The following NKAIN3 variants were observed in gnomAD, a reference collection of about 807,000 sequenced individuals.
NKAIN3 encodes sodium/potassium transporting ATPase interacting 3.
A neutral mutation model predicts 30.2 loss-of-function variants in NKAIN3; 25 were observed. That is an observed-to-expected ratio of 0.83 (90% CI 0.60 to 1.16). The LOEUF is 1.16. Ranked by LOEUF, NKAIN3 falls within the 50% of genes most tolerant of loss-of-function variation. The probability of loss-of-function intolerance (pLI) is 0.00; values close to 1 mark genes in which losing one functional copy is unlikely to be tolerated. For synonymous variants in NKAIN3, 91 were observed against 89.6 expected, an observed-to-expected ratio of 1.02 and a Z score of -0.09; for missense variants, 225 against 254.1, an observed-to-expected ratio of 0.89 and a Z score of 0.78.
chr8:62,756,036 A>G (rs945613783), intron 4 of NKAIN3, among the ~76,000 whole-genome samples: 1 of 152,194 alleles, frequency 6.6e-6, no homozygotes, highest in African/African-American at 2.4e-5. Context: ...ATTTGTGTCT[A>G]TGCAGTATAC....
intron 4 of NKAIN3, among the ~76,000 whole-genome samples, chr8:62,888,212 AGTTT>A: frequency 6.6e-6 from 1 of 152,184 alleles, no homozygotes; most frequent in Non-Finnish European, 1.5e-5. Context: ...AAATCCTAAT[AGTTT>A]AGGTCATGTT....
intron 3 of NKAIN3, among the ~76,000 whole-genome samples, chr8:62,733,856 C>G (rs1815561547): frequency 6.6e-6 from 1 of 152,186 alleles, no homozygotes; most frequent in Non-Finnish European, 1.5e-5. Context: ...TTAAATCTGT[C>G]TAATCTGCTT....
At chr8:62,751,245 T>A (rs1816273661) in intron 4 of NKAIN3, among the ~76,000 whole-genome samples, 1 of 152,136 alleles carries the variant, frequency 6.6e-6, no homozygotes, top group African/African-American at 2.4e-5. Flanking sequence ...CTGGGCTCCT[T>A]ATCCACCTAG....
intron 4 of NKAIN3, among the ~76,000 whole-genome samples, chr8:62,889,111 G>A (rs889660549): frequency 1.3e-5 from 2 of 152,188 alleles, no homozygotes; most frequent in Non-Finnish European, 2.9e-5. Flanking sequence ...ACTCACGCCT[G>A]TAAACCCAGC....
At chr8:62,793,473 G>C (rs1817761468) in intron 4 of NKAIN3, among the ~76,000 whole-genome samples, 1 of 152,112 alleles carries the variant, frequency 6.6e-6, no homozygotes, top group Admixed American at 6.6e-5. Flanking sequence ...ATCCTGAAAG[G>C]ATGAATCTCA....
intron 1 of NKAIN3, among the ~76,000 whole-genome samples, chr8:62,392,849 T>C (rs1817618079): frequency 6.6e-6 from 1 of 152,016 alleles, no homozygotes; most frequent in Admixed American, 6.5e-5. Context: ...TCTTCAAAAA[T>C]ACTACAAATA....
chr8:62,368,460 T>C (rs1218865806), intron 1 of NKAIN3, among the ~76,000 whole-genome samples: 1 of 152,196 alleles, frequency 6.6e-6, no homozygotes, highest in Non-Finnish European at 1.5e-5. Context: ...ATCATCTTTT[T>C]AATAAATGGT....
chr8:62,869,316 G>C (rs1820518569), intron 4 of NKAIN3, among the ~76,000 whole-genome samples: 1 of 151,750 alleles, frequency 6.6e-6, no homozygotes, highest in Non-Finnish European at 1.5e-5. Flanking sequence ...TCCCCTTGCC[G>C]CCACCCGGCG....
intron 1 of NKAIN3, among the ~76,000 whole-genome samples, chr8:62,514,321 C>G (rs1468945686): frequency 6.6e-6 from 1 of 151,772 alleles, no homozygotes; most frequent in Non-Finnish European, 1.5e-5. Context: ...TGAAATATTT[C>G]AACCTATGAG....
intron 1 of NKAIN3, among the ~76,000 whole-genome samples, chr8:62,414,409 GA>G (rs937672054): frequency 2.6e-5 from 4 of 151,936 alleles, no homozygotes; most frequent in African/African-American, 7.2e-5. Context: ...GGGAAGTGTG[GA>G]AAAAAATCAA....
chr8:62,644,029 C>T (rs1812387215), intron 3 of NKAIN3, among the ~76,000 whole-genome samples: 1 of 152,044 alleles, frequency 6.6e-6, no homozygotes, highest in African/African-American at 2.4e-5. Context: ...TAAGAAGACC[C>T]AGTAATGGAT....
At chr8:62,354,887 C>A (rs560830607) in intron 1 of NKAIN3, among the ~76,000 whole-genome samples, 2 of 152,296 alleles carry the variant, frequency 1.3e-5, no homozygotes, top group African/African-American at 2.4e-5. Context: ...GAGAGCCCTG[C>A]ACTTAGGACC....
In NKAIN3 at chr8:62,541,409, C is replaced by T. The variant is rs541256612; in HGVS notation, c.55-38130C>T. Among the ~76,000 whole-genome samples the T allele has an allele frequency of 5.3e-5, 8 of 152,274 alleles. No homozygotes were observed. In the East Asian group the frequency reaches 1.4e-3, roughly 26 times the overall value. ...TTTCAAACTACCTGTAGAACATCTCCTTCCTGGCCCAAGTTAATAGAATCC... is the reference window on the plus strand; with the variant it reads ...TTTCAAACTACCTGTAGAACATCTCTTTCCTGGCCCAAGTTAATAGAATCC... On this transcript the variant is annotated intron_variant, in intron 1 of 6. Coordinates refer to ENST00000623646, the MANE Select transcript of NKAIN3 (RefSeq NM_001304533.3).
At chr8:62,754,617 A>G (rs916743707) in intron 4 of NKAIN3, among the ~76,000 whole-genome samples, 31 of 152,138 alleles carry the variant, frequency 2.0e-4, no homozygotes, top group African/African-American at 7.2e-4. Flanking sequence ...CTGGGGTCCT[A>G]TGAGAATTGT....
intron 1 of NKAIN3, among the ~76,000 whole-genome samples, chr8:62,339,294 C>T (rs552751606): frequency 3.3e-5 from 5 of 151,136 alleles, no homozygotes; most frequent in East Asian, 1.9e-4. Flanking sequence ...CATAGTAAGG[C>T]GTTTAGAGTT....
chr8:62,690,127 G>A (rs962492952), intron 3 of NKAIN3, among the ~76,000 whole-genome samples: 3 of 152,128 alleles, frequency 2.0e-5, no homozygotes, highest in African/African-American at 7.2e-5. Context: ...CAGTGGGACT[G>A]CGCACTAATC....
chr8:62,539,981 A>G (rs1263229554), intron 1 of NKAIN3, among the ~76,000 whole-genome samples: 1 of 152,118 alleles, frequency 6.6e-6, no homozygotes, highest in East Asian at 1.9e-4. Context: ...GTTAATAAAT[A>G]TTTTGTCAGC....
At chr8:62,323,160 C>T (rs1331838644) in intron 1 of NKAIN3, among the ~76,000 whole-genome samples, 1 of 152,188 alleles carries the variant, frequency 6.6e-6, no homozygotes, top group African/African-American at 2.4e-5. Flanking sequence ...TCTTATGACT[C>T]AGCAATTACA....
chr8:62,713,809 T>C (rs1814804787), intron 3 of NKAIN3, among the ~76,000 whole-genome samples: 1 of 152,210 alleles, frequency 6.6e-6, no homozygotes, highest in South Asian at 2.1e-4. Flanking sequence ...AGTTTTAGTT[T>C]ATTGCTTCTG....
Sources: allele counts gnomAD v4.1 joint callset (sites outside exome capture counted in the v4.1 genomes callset), GRCh38; gene constraint gnomAD v4.1.1; transcripts MANE v1.5; gene names NCBI Gene and HGNC (gene_info 2026-07-23, HGNC 2026-07-21).